The following GRIP1 variants were observed in gnomAD, a reference collection of about 807,000 sequenced individuals.
The protein encoded by GRIP1 is glutamate receptor-interacting protein 1.
A neutral mutation model predicts 129.9 loss-of-function variants in GRIP1; 45 were observed. The ratio of observed to expected loss-of-function variants is 0.35; its 90% CI spans 0.27 to 0.44. GRIP1 has a LOEUF of 0.44. Ranked by LOEUF, GRIP1 falls within the 20% of genes least tolerant of loss-of-function variation. GRIP1 has a pLI of 1.00. For missense variants in GRIP1, 1,196 were observed against 1,396.8 expected, an observed-to-expected ratio of 0.86 and a Z score of 2.29; for synonymous variants, 530 against 520.8, an observed-to-expected ratio of 1.02 and a Z score of -0.24.
chr12:66,780,779 G>A (rs2038132827), intron 1 of GRIP1, among the ~76,000 whole-genome samples: 1 of 152,126 alleles, frequency 6.6e-6, no homozygotes, highest in South Asian at 2.1e-4. Flanking sequence ...GCCATGCACT[G>A]CCGCTTTGCC....
intron 15 of GRIP1, among the ~76,000 whole-genome samples, chr12:66,415,037 G>A (rs1226806306): frequency 6.6e-6 from 1 of 150,826 alleles, no homozygotes; most frequent in African/African-American, 2.4e-5. Context: ...AACCCTAGAA[G>A]AAAATCTAGA....
In GRIP1 at chr12:66,863,302, G is replaced by A. The variant is rs553814449; in HGVS notation, c.58+205748C>T. 1.8e-4 allele frequency among the ~76,000 whole-genome samples: 28 copies of A among 152,178 alleles called. No homozygotes were observed. The South Asian group carries it at 4.8e-3, about 26-fold the overall frequency. ...CACTGTCCTAGGTGCTAAGAATATA[G>A]AACATTGAAGATAAATAAGTTCCTG... is the stretch of plus-strand genomic sequence containing the variant. On this transcript the variant is annotated intron_variant, in intron 1 of 1. Transcript: ENST00000643019.
chr12:66,562,377 T>C (rs192191303), intron 2 of GRIP1, among the ~76,000 whole-genome samples: 13 of 152,326 alleles, frequency 8.5e-5, no homozygotes, highest in Non-Finnish European at 1.6e-4. Context: ...CTGCATTTTT[T>C]ACAGTGCTCT....
At chr12:66,797,418 T>C (rs2038731511) in intron 1 of GRIP1, among the ~76,000 whole-genome samples, 1 of 152,080 alleles carries the variant, frequency 6.6e-6, no homozygotes, top group African/African-American at 2.4e-5. Context: ...GATTCCTCTC[T>C]CTCTGGGGTC....
intron 1 of GRIP1, among the ~76,000 whole-genome samples, chr12:66,762,354 G>A (rs76868735): frequency 1.3e-5 from 2 of 152,174 alleles, no homozygotes; most frequent in Non-Finnish European, 2.9e-5. Flanking sequence ...GTCAGAGGAG[G>A]CTGGGAGGAC....
At chr12:66,947,349 T>C (rs887172899) in intron 1 of GRIP1, among the ~76,000 whole-genome samples, 1 of 152,208 alleles carries the variant, frequency 6.6e-6, no homozygotes, top group East Asian at 1.9e-4. Flanking sequence ...CCCAGACCCC[T>C]GTCATCATAG....
At chr12:66,477,482 C>G (rs996849515) in intron 7 of GRIP1, among the ~76,000 whole-genome samples, 3 of 151,820 alleles carry the variant, frequency 2.0e-5, no homozygotes, top group Non-Finnish European at 4.4e-5. Flanking sequence ...CAATGCCATC[C>G]CCATCAAGCT....
At chr12:66,869,767 G>C (rs2040265179) in intron 1 of GRIP1, among the ~76,000 whole-genome samples, 1 of 152,122 alleles carries the variant, frequency 6.6e-6, no homozygotes, top group South Asian at 2.1e-4. Context: ...TTAAGCTCAG[G>C]TATCTTGTAA....
intron 7 of GRIP1, among the ~76,000 whole-genome samples, chr12:66,493,922 C>T (rs887795706): frequency 6.6e-6 from 1 of 152,126 alleles, no homozygotes; most frequent in Non-Finnish European, 1.5e-5. Flanking sequence ...TGGATTCTAA[C>T]ACTTCATTAT....
At chr12:66,995,079 C>T (rs1300991600) in intron 1 of GRIP1, among the ~76,000 whole-genome samples, 1 of 151,520 alleles carries the variant, frequency 6.6e-6, no homozygotes, top group Non-Finnish European at 1.5e-5. Flanking sequence ...GATGCCGAGA[C>T]ATCTCAATGG....
intron 7 of GRIP1, among the ~76,000 whole-genome samples, chr12:66,494,997 A>G (rs1293849173): frequency 6.6e-6 from 1 of 152,210 alleles, no homozygotes; most frequent in African/African-American, 2.4e-5. Context: ...TATAACTATT[A>G]GAGTTAATAC....
At chr12:66,991,493 A>C (rs2042394021) in intron 1 of GRIP1, among the ~76,000 whole-genome samples, 1 of 152,244 alleles carries the variant, frequency 6.6e-6, no homozygotes, top group Non-Finnish European at 1.5e-5. Flanking sequence ...AGTTATACAT[A>C]AATATGACAA....
At chr12:66,706,078 T>C (rs2035518042) in intron 1 of GRIP1, among the ~76,000 whole-genome samples, 1 of 152,060 alleles carries the variant, frequency 6.6e-6, no homozygotes, top group South Asian at 2.1e-4. Flanking sequence ...ACCAAAGAGC[T>C]TCTGCACAGC....
At chr12:66,454,509 T>C (rs2058896798) in intron 11 of GRIP1, among the ~76,000 whole-genome samples, 1 of 152,226 alleles carries the variant, frequency 6.6e-6, no homozygotes, top group Non-Finnish European at 1.5e-5. Context: ...CCACAAGTTA[T>C]ATGATCATGA....
At chr12:67,048,339 C>T (rs1159563902) in intron 1 of GRIP1, among the ~76,000 whole-genome samples, 2 of 152,074 alleles carry the variant, frequency 1.3e-5, no homozygotes, top group African/African-American at 4.8e-5. Flanking sequence ...GAAAAGTTAG[C>T]CAAACTCTCA....
intron 1 of GRIP1, among the ~76,000 whole-genome samples, chr12:66,600,380 A>G (rs1251591521): frequency 1.3e-5 from 2 of 152,252 alleles, no homozygotes; most frequent in Non-Finnish European, 2.9e-5. Flanking sequence ...TCAAATGACA[A>G]GGAAAGAAAT....
intron 19 of GRIP1, among the ~76,000 whole-genome samples, chr12:66,386,380 T>C (rs1284855669): frequency 6.6e-6 from 1 of 152,192 alleles, no homozygotes; most frequent in Non-Finnish European, 1.5e-5. Context: ...ACGCCTGTAA[T>C]CCCAGCACTT....
In GRIP1 at chr12:66,580,807, TGGGAGA is replaced by T. The variant is rs1456980177; in HGVS notation, c.136+16034_136+16039del. On this transcript the variant is annotated intron_variant, in intron 2 of 24. Transcript: ENST00000359742. Reference sequence around the variant, plus strand: ...GACTTAGACTCCCACACATTAATAATGGGAGACTTTAACACCCCACTGTCAACATTA... The same window carrying T: ...GACTTAGACTCCCACACATTAATAATCTTTAACACCCCACTGTCAACATTA... Among the ~76,000 whole-genome samples, 6 of 151,682 alleles carry T rather than the reference TGGGAGA, an allele frequency of 4.0e-5. No individual in the cohort carries two copies. In the East Asian group the frequency reaches 1.2e-3, roughly 29 times the overall value.
At chr12:66,655,476 C>A (rs1471979944) in intron 1 of GRIP1, among the ~76,000 whole-genome samples, 1 of 152,150 alleles carries the variant, frequency 6.6e-6, no homozygotes, top group Admixed American at 6.5e-5. Context: ...ACATTGATGC[C>A]TCATTATCAC....
Sources: allele counts gnomAD v4.1 joint callset (sites outside exome capture counted in the v4.1 genomes callset), GRCh38; gene constraint gnomAD v4.1.1; transcripts MANE v1.5; gene names NCBI Gene and HGNC (gene_info 2026-07-23, HGNC 2026-07-21).